Variants in HAGH observed in about 807,000 individuals in gnomAD.
HAGH encodes hydroxyacylglutathione hydrolase, mitochondrial.
In HAGH, 29 loss-of-function variants were observed where a neutral mutation model predicts 35.1. The observed-to-expected ratio is 0.83, with a 90% CI of 0.62 to 1.13. The LOEUF (loss-of-function observed/expected upper bound fraction) is 1.13, where lower values mean the gene tolerates loss of function less well. Ranked by LOEUF, HAGH falls within the 50% of genes most tolerant of loss-of-function variation. HAGH has a pLI of 0.00. For missense variants in HAGH, 478 were observed against 419.6 expected (o/e 1.14, Z -1.22); for synonymous variants, 225 against 176.1 (o/e 1.28, Z -2.20).
chr16:1,820,532 G>T (rs1898109159), intron 3 of HAGH, among the ~76,000 whole-genome samples: 1 of 152,170 alleles, frequency 6.6e-6, no homozygotes, highest in South Asian at 2.1e-4. Context: ...TGAGCAGCTG[G>T]CCCTAGACGC....
intron 5 of HAGH, among the ~76,000 whole-genome samples, chr16:1,817,726 C>T (rs1026402890): frequency 4.6e-5 from 7 of 151,616 alleles, no homozygotes; most frequent in African/African-American, 1.7e-4. Context: ...CGGCCCACAC[C>T]GCTGGGCACC....
chr16:1,823,638 GAGGCTGAGGC>G (rs1898258569), intron 1 of HAGH, among the ~76,000 whole-genome samples: 1 of 150,676 alleles, frequency 6.6e-6, no homozygotes, highest in Admixed American at 6.6e-5. Context: ...AGCTACTCCG[GAGGCTGAGGC>G]AGGAGGATCA....
At chr16:1,820,331 G>A (rs1355476900) in intron 3 of HAGH, among the ~76,000 whole-genome samples, 2 of 151,280 alleles carry the variant, frequency 1.3e-5, no homozygotes, top group Non-Finnish European at 3.0e-5. Flanking sequence ...TTGTCCTGGT[G>A]CAGTGGGTCT....
chr16:1,815,360 A>G (rs937150777), intron 7 of HAGH, among the ~76,000 whole-genome samples: 11 of 152,266 alleles, frequency 7.2e-5, no homozygotes, highest in African/African-American at 1.2e-4. Context: ...CATGTTCACA[A>G]AAGACTTGTA....
chr16:1,826,843 G>C, upstream of HAGH: 1 of 1,102,690 alleles, frequency 9.1e-7, no homozygotes, highest in Non-Finnish European at 1.2e-6. Flanking sequence ...ACCGGCGTCG[G>C]CGCGTCGCAG....
intron 7 of HAGH, among the ~76,000 whole-genome samples, chr16:1,811,472 G>A (rs746894188): frequency 1.8e-4 from 15 of 83,050 alleles, no homozygotes; most frequent in Non-Finnish European, 3.3e-4. Context: ...CAGCACTGGG[G>A]GAGGCTGAGG....
rs377441546 is a variant in HAGH at position 1,822,816 on chromosome 16, T to C, written c.249+49A>G. The C allele has an allele frequency of 1.4e-5, 21 of 1,552,700 alleles. No individual in the cohort carries two copies. The African/African-American group carries it at 2.4e-4, about 18-fold the overall frequency. ...TAGGAAACCCATCGGGGGTGAGGACTCCGAGCTGGGTGACCAGGGCAGGGA... is the reference window on the plus strand; with the variant it reads ...TAGGAAACCCATCGGGGGTGAGGACCCCGAGCTGGGTGACCAGGGCAGGGA... On this transcript the variant is annotated intron_variant, in intron 2 of 8. Transcript: ENST00000397356.
intron 7 of HAGH, chr16:1,810,195 G>C (rs7186249): frequency 0.69 from 169,636 of 246,648 alleles, 58,893 homozygotes; most frequent in Admixed American, 0.76. Context: ...GTAACCTTAG[G>C]ACACTGCCCG....
chr16:1,819,325 T>G (rs2076452), intron 4 of HAGH, 102 bp from the exon 5 acceptor site: 1 of 673,936 alleles, frequency 1.5e-6, no homozygotes, highest in Non-Finnish European at 2.5e-6. Context: ...TCCTCAGCTC[T>G]GAGGGAAATG....
intron 5 of HAGH, among the ~76,000 whole-genome samples, chr16:1,817,840 G>T (rs57027787): frequency 6.6e-6 from 1 of 152,134 alleles, no homozygotes; most frequent in Non-Finnish European, 1.5e-5. Flanking sequence ...GCTGCTTCGC[G>T]GCTGTCCTGG....
At chr16:1,822,844 G>C in intron 2 of HAGH, 21 bp downstream of exon 2, 1 of 1,605,704 alleles carries the variant, frequency 6.2e-7, no homozygotes, top group Non-Finnish European at 8.5e-7. Context: ...GGCAGGGAGA[G>C]CCAGGCACAG....
intron 1 of HAGH, chr16:1,826,496 GC>G: frequency 1.1e-6 from 1 of 940,188 alleles, no homozygotes; most frequent in Non-Finnish European, 1.3e-6. Context: ...CGCAGGCCTG[GC>G]CCTGCTTACC....
At chr16:1,825,425 C>A (rs965549738) in intron 1 of HAGH, among the ~76,000 whole-genome samples, 2 of 152,210 alleles carry the variant, frequency 1.3e-5, no homozygotes, top group South Asian at 2.1e-4. Context: ...CCAGCAGAAA[C>A]CGTATTCCCT....
intron 7 of HAGH, among the ~76,000 whole-genome samples, chr16:1,815,099 C>G (rs1260007543): frequency 7.9e-6 from 1 of 127,330 alleles, no homozygotes; most frequent in Non-Finnish European, 1.7e-5. Context: ...AAGGCCGACA[C>G]ACATGAAAAG....
At chr16:1,816,457 G>A (rs545821623) in intron 7 of HAGH, among the ~76,000 whole-genome samples, 1 of 152,232 alleles carries the variant, frequency 6.6e-6, no homozygotes, top group Admixed American at 6.5e-5. Context: ...CAGTGAATTC[G>A]GGGAAACACA....
Position 1,819,214 on chromosome 16 carries a change from G to C in HAGH, c.442C>G (p.Leu148Val). 2 of 1,608,610 alleles carry C rather than the reference G, an allele frequency of 1.2e-6. No individual in the cohort carries two copies. Among genetic ancestry groups the C allele is most frequent in the South Asian group, 1.1e-5 (1 of 90,802 alleles). ...GGGGTCGCCAGGCACTTGACGTTCA[G>C]AGACCCCACCTTCAACAAAGCAGGC... The part of the protein sequence containing the change: ...THLSTLQVGS[L>V]NVKCLATPCH... The change falls in exon 5 of 9, where the codon CTG becomes GTG. Residue 148 changes from leucine (L) to valine (V), a missense_variant. By Grantham distance (32) the Leu-to-Val change is conservative. Coordinates refer to ENST00000397356, the MANE Select transcript of HAGH (RefSeq NM_005326.6).
At chr16:1,810,322 G>A (rs1567250747) in intron 7 of HAGH, 1 of 160,718 alleles carries the variant, frequency 6.2e-6, no homozygotes, top group South Asian at 1.6e-4. Flanking sequence ...CACCGGCCTG[G>A]AGAGGACGAC....
At chr16:1,810,159 C>CA (rs953994909) in intron 7 of HAGH, 1 of 219,866 alleles carries the variant, frequency 4.5e-6, no homozygotes, top group African/African-American at 4.7e-5. Flanking sequence ...CATCACGTCT[C>CA]AAAAAATGCT....
rs138102620 is a variant in HAGH, at chr16:1,816,945, C to A, written c.695G>T (p.Arg232Leu). ...GGCGGCATTGCCGGGCTCCACGTGGCGTGCAAACTTGAGGTTGTTGATGGT... is the reference window on the plus strand; with the variant it reads ...GGCGGCATTGCCGGGCTCCACGTGGAGTGCAAACTTGAGGTTGTTGATGGT... ...EYTINNLKFA[R>L]HVEPGNAAIR... Residue 232 changes from arginine to leucine, a missense_variant, in exon 7 of 9, where the codon CGC (arginine) becomes CTC (leucine). Physicochemically the swap from Arg to Leu is moderately radical, Grantham distance 102. Transcript: ENST00000397356. The A allele has an allele frequency of 4.3e-6, 7 of 1,613,880 alleles. No individual in the cohort carries two copies. Among genetic ancestry groups the A allele is most frequent in the South Asian group, 1.1e-5 (1 of 91,088 alleles).
Sources: gnomAD v4.1 joint callset for allele counts (sites outside exome capture counted in the v4.1 genomes callset) on GRCh38, gnomAD v4.1.1 for gene constraint, MANE v1.5 for transcripts, NCBI Gene and HGNC (gene_info 2026-07-23, HGNC 2026-07-21) for gene names.